ZNF143: variants seen among roughly 807,000 people sequenced by gnomAD.
ZNF143 encodes the protein zinc finger protein 143.
A neutral mutation model predicts 74.1 loss-of-function variants in ZNF143; 49 were observed. That is an observed-to-expected ratio of 0.66 (90% CI 0.53 to 0.84). The LOEUF (loss-of-function observed/expected upper bound fraction) is 0.84. ZNF143 is among the 40% of genes least tolerant of loss of function. The probability of loss-of-function intolerance (pLI) is 0.00; values close to 1 mark genes in which losing one functional copy is unlikely to be tolerated. For synonymous variants in ZNF143, 304 were observed against 282.8 expected (o/e 1.07, Z -0.75); for missense variants, 637 against 793.4 (o/e 0.80, Z 2.37).
chr11:9,461,887 A>G (rs990113278), intron 1 of ZNF143: 8 of 152,252 alleles, frequency 5.3e-5, no homozygotes, highest in Non-Finnish European at 1.0e-4. Flanking sequence ...TTATTTGTTT[A>G]AAATCAGCGT....
chr11:9,479,891 TTCA>T (rs1395227562), intron 7 of ZNF143, among the ~76,000 whole-genome samples: 2 of 152,234 alleles, frequency 1.3e-5, no homozygotes, highest in East Asian at 3.8e-4. Flanking sequence ...TTTCTGGGAC[TTCA>T]TCATGACTCT....
Position 9,486,438 on chromosome 11 carries a change from TA to T in ZNF143, c.645+6894del, listed in dbSNP as rs1258828776. The stretch of plus-strand genomic sequence containing the variant: ...ATATATATTATATATATTATATATA[TA>T]ATATATTATATATATTATATATATA... On this transcript the variant is annotated intron_variant, in intron 7 of 15. Coordinates refer to ENST00000396602, the MANE Select transcript of ZNF143 (RefSeq NM_003442.6). Among the ~76,000 whole-genome samples the T allele has an allele frequency of 2.2e-3, 95 of 42,592 alleles. 3 individuals are homozygous for T. The highest frequency in any genetic ancestry group is 3.4e-3 in the Non-Finnish European group (71 of 20,862). The allele number at this position is 42,592 out of a possible 152,430, so 27.9% of individuals were successfully genotyped here.
At chr11:9,482,977 GTTTTA>G (rs916221146) in intron 7 of ZNF143, among the ~76,000 whole-genome samples, 26 of 150,708 alleles carry the variant, frequency 1.7e-4, no homozygotes, top group South Asian at 1.3e-3. Flanking sequence ...GAGATTTTTT[GTTTTA>G]TTTTATTATT....
chr11:9,509,526 CACAAA>C (rs1045144016), intron 12 of ZNF143, among the ~76,000 whole-genome samples: 4 of 152,136 alleles, frequency 2.6e-5, no homozygotes, highest in African/African-American at 9.7e-5. Flanking sequence ...TTTTCTAAAA[CACAAA>C]ACAAAGCAAG....
rs1025800807 is a variant in ZNF143, at chr11:9,489,914, C to T, written c.646-4732C>T. On this transcript the variant is annotated intron_variant, in intron 7 of 15. Coordinates refer to ENST00000396602, the MANE Select transcript of ZNF143 (RefSeq NM_003442.6). ...AAAAACACTGGGCTGGGCATGGTGGCTCACACCTGTAATCCAAACACTTTG... is the reference window on the plus strand; with the variant it reads ...AAAAACACTGGGCTGGGCATGGTGGTTCACACCTGTAATCCAAACACTTTG... Among the ~76,000 whole-genome samples, 20 of 152,282 alleles carry T rather than the reference C, an allele frequency of 1.3e-4. No homozygotes were observed. The East Asian group carries it at 3.7e-3, about 28-fold the overall frequency.
chr11:9,505,414 C>T (rs1057504475), intron 11 of ZNF143, among the ~76,000 whole-genome samples: 7 of 151,932 alleles, frequency 4.6e-5, no homozygotes, highest in South Asian at 2.1e-4. Flanking sequence ...GGATTACAGG[C>T]GCATGTCATC....
At chr11:9,491,110 G>A (rs1352538413) in intron 7 of ZNF143, among the ~76,000 whole-genome samples, 2 of 152,136 alleles carry the variant, frequency 1.3e-5, no homozygotes, top group East Asian at 1.9e-4. Context: ...TACTAGCTGG[G>A]CACAGTGGTA....
At chr11:9,527,084 C>T (rs547446954) in intron 15 of ZNF143, among the ~76,000 whole-genome samples, 139 of 152,320 alleles carry the variant, frequency 9.1e-4, no homozygotes, top group Middle Eastern at 3.4e-3. Flanking sequence ...CTGCCCGCCT[C>T]GGCCTCCCGA....
intron 15 of ZNF143, 140 bp downstream of exon 15, chr11:9,525,526 T>C (rs1236580980): frequency 8.7e-7 from 1 of 1,153,972 alleles, no homozygotes; most frequent in East Asian, 2.5e-5. Flanking sequence ...TTTAAGGAAA[T>C]CGGTGTATTT....
chr11:9,516,981 C>T (rs1276587027), intron 14 of ZNF143, among the ~76,000 whole-genome samples: 2 of 152,210 alleles, frequency 1.3e-5, no homozygotes, highest in African/African-American at 4.8e-5. Context: ...AGCGGCACGT[C>T]ATGGCTCACT....
chr11:9,493,813 A>G (rs1847867031), intron 7 of ZNF143, among the ~76,000 whole-genome samples: 1 of 152,202 alleles, frequency 6.6e-6, no homozygotes, highest in Non-Finnish European at 1.5e-5. Context: ...AAAGCCTTTA[A>G]AAATCAGCAT....
intron 5 of ZNF143, among the ~76,000 whole-genome samples, chr11:9,478,172 C>G (rs1847092637): frequency 6.6e-6 from 1 of 152,188 alleles, no homozygotes; most frequent in Admixed American, 6.5e-5. Context: ...AGTGATGTTA[C>G]TTCTCCAAAC....
intron 5 of ZNF143, among the ~76,000 whole-genome samples, chr11:9,477,679 T>C (rs1857022264): frequency 6.6e-6 from 1 of 152,182 alleles, no homozygotes; most frequent in Admixed American, 6.5e-5. Context: ...CCAGTATAGA[T>C]ATAGATATAT....
chr11:9,478,494 A>G lies in ZNF143; in HGVS notation c.478A>G (p.Ile160Val), dbSNP rs1474965419. ...QVPQSDTILAIQADGTVAGLH... is the reference protein window; with the variant it reads ...QVPQSDTILAVQADGTVAGLH... ...CCCGCAGTCTGACACCATCTTGGCAATTCAGGCTGATGGGACAGTGGCAGG... is the reference window on the plus strand; with the variant it reads ...CCCGCAGTCTGACACCATCTTGGCAGTTCAGGCTGATGGGACAGTGGCAGG... The change falls in exon 6 of 16, where the codon ATT becomes GTT. Residue 160 changes from isoleucine (I) to valine (V), a missense_variant. Coordinates refer to ENST00000396602, the MANE Select transcript of ZNF143 (RefSeq NM_003442.6). 6 of 1,614,218 alleles carry G rather than the reference A, an allele frequency of 3.7e-6. No homozygotes were observed. The African/African-American group carries it at 4.0e-5, about 11-fold the overall frequency.
At chr11:9,481,660 G>T (rs1195587738) in intron 7 of ZNF143, among the ~76,000 whole-genome samples, 3 of 152,034 alleles carry the variant, frequency 2.0e-5, no homozygotes, top group Non-Finnish European at 4.4e-5. Flanking sequence ...GGCCGAGGCA[G>T]GTGGATCACC....
chr11:9,503,762 C>G (rs1565054122), intron 11 of ZNF143, among the ~76,000 whole-genome samples: 1 of 151,722 alleles, frequency 6.6e-6, no homozygotes. Flanking sequence ...TTGATTGATC[C>G]TGTTTCAGCC....
chr11:9,485,347 CTTT>C lies in ZNF143; in HGVS notation c.645+5820_645+5822del, dbSNP rs544497040. On this transcript the variant is annotated intron_variant, in intron 7 of 15. Coordinates refer to ENST00000396602, the MANE Select transcript of ZNF143 (RefSeq NM_003442.6). ...TTTGTTGTTGTTTTTTTCTCTCTCT[CTTT>C]TTTTTTTTTTTTTTTTTTGAGAAGT... 2.0e-3 allele frequency among the ~76,000 whole-genome samples: 226 copies of C among 110,416 alleles called. 2 individuals are homozygous for C. Among genetic ancestry groups the C allele is most frequent in the African/African-American group, 7.4e-3 (215 of 28,942 alleles). The allele number at this position is 110,416 out of a possible 152,430, so 72.4% of individuals were successfully genotyped here.
At chr11:9,521,161 A>G (rs552549674) in intron 14 of ZNF143, among the ~76,000 whole-genome samples, 1 of 152,156 alleles carries the variant, frequency 6.6e-6, no homozygotes, top group African/African-American at 2.4e-5. Flanking sequence ...AATCACCCAG[A>G]GTCCATCATT....
intron 3 of ZNF143, 21 bp downstream of exon 3, chr11:9,472,790 T>G: frequency 6.6e-7 from 1 of 1,524,012 alleles, no homozygotes; most frequent in Non-Finnish European, 8.8e-7. Context: ...CACATATGGC[T>G]GATTGGTTAA....
Sources: allele counts gnomAD v4.1 joint callset (sites outside exome capture counted in the v4.1 genomes callset), GRCh38; gene constraint gnomAD v4.1.1; transcripts MANE v1.5; gene names NCBI Gene and HGNC (gene_info 2026-07-23, HGNC 2026-07-21).